STK40: variants seen among roughly 807,000 people sequenced by gnomAD.
STK40 encodes the protein serine/threonine kinase 40.
Under a neutral mutation model 47.9 loss-of-function variants are expected in STK40, and 13 were observed. That is an observed-to-expected ratio of 0.27 (90% CI 0.18 to 0.43). The LOEUF is 0.43. Among genes scored for constraint, STK40 ranks in the 20% least tolerant of loss-of-function variants. The pLI is 1.00. For missense variants in STK40, 460 were observed against 595.1 expected (o/e 0.77, Z 2.36); for synonymous variants, 225 against 243.2 (o/e 0.93, Z 0.69).
At chr1:36,351,349 A>G (rs543333316) in intron 6 of STK40, among the ~76,000 whole-genome samples, 2 of 152,236 alleles carry the variant, frequency 1.3e-5, no homozygotes, top group South Asian at 2.1e-4. Flanking sequence ...TGGTCCGCCT[A>G]CTGCTCCAGT....
intron 1 of STK40, among the ~76,000 whole-genome samples, chr1:36,377,746 A>G (rs1004454691): frequency 6.6e-6 from 1 of 152,154 alleles, no homozygotes; most frequent in African/African-American, 2.4e-5. Context: ...GGCTGCAAAC[A>G]TGCCTATAAG....
chr1:36,384,838 T>C (rs775043317), intron 1 of STK40, among the ~76,000 whole-genome samples: 2 of 152,204 alleles, frequency 1.3e-5, no homozygotes, highest in Non-Finnish European at 2.9e-5. Context: ...CACATTCTGC[T>C]CTTCCTTATC....
chr1:36,350,819 C>T (rs1646745632), intron 6 of STK40, among the ~76,000 whole-genome samples: 1 of 152,216 alleles, frequency 6.6e-6, no homozygotes, highest in African/African-American at 2.4e-5. Flanking sequence ...CCACCCTCTG[C>T]CAGGGCACGG....
chr1:36,351,061 T>C (rs1021432508), intron 6 of STK40, among the ~76,000 whole-genome samples: 5 of 152,172 alleles, frequency 3.3e-5, no homozygotes, highest in African/African-American at 7.2e-5. Flanking sequence ...CGTGTGTCAG[T>C]AGGATCGGCT....
In STK40 at chr1:36,352,700, C is replaced by T. The variant is rs115005017; in HGVS notation, c.623+1664G>A. 1.8e-3 allele frequency among the ~76,000 whole-genome samples: 273 copies of T among 152,350 alleles called. 1 individual carries two copies. The highest frequency in any genetic ancestry group is 6.4e-3 in the African/African-American group (265 of 41,582). On this transcript the variant is annotated intron_variant, in intron 6 of 10. Transcript: ENST00000373132. ...ACTTTCTCAGCCTGGCAAATCCCAACTCATCCTTCACGAATTGACTCAGGT... is the reference window on the plus strand; with the variant it reads ...ACTTTCTCAGCCTGGCAAATCCCAATTCATCCTTCACGAATTGACTCAGGT...
At chr1:36,371,152 T>A (rs941632034) in intron 1 of STK40, among the ~76,000 whole-genome samples, 2 of 151,266 alleles carry the variant, frequency 1.3e-5, no homozygotes, top group African/African-American at 4.8e-5. Context: ...GTGCTGGGAT[T>A]ACAGGCGTGA....
rs752860705 is a variant in STK40 at position 36,355,388 on chromosome 1, C to T, written c.388G>A (p.Val130Ile). The change falls in exon 5 of 11, where the codon GTT becomes ATT. Residue 130 changes from valine (V) to isoleucine (I), a missense_variant. Val to Ile is a conservative substitution (Grantham distance 29, BLOSUM62 3). Coordinates refer to ENST00000373132, the MANE Select transcript of STK40 (RefSeq NM_001282547.2). ...CAGATGCGCTTCTTCATCTTCTTAA[C>T]CATCCGGCTGGATTCTGTGTCCTCA... ...IVEDTESSRM[V>I]KKMKKRICLV... 1.9e-6 allele frequency: 3 copies of T among 1,614,188 alleles called. No individual in the cohort carries two copies. Among genetic ancestry groups the T allele is most frequent in the Admixed American group, 3.3e-5 (2 of 60,018 alleles).
intron 2 of STK40, among the ~76,000 whole-genome samples, chr1:36,360,572 G>A (rs188125057): frequency 4.2e-4 from 63 of 151,610 alleles, no homozygotes; most frequent in Non-Finnish European, 4.0e-4. Flanking sequence ...GTCTCGCACC[G>A]TTGCCTAGGC....
At chr1:36,374,446 C>T (rs920842971) in intron 1 of STK40, among the ~76,000 whole-genome samples, 9 of 152,188 alleles carry the variant, frequency 5.9e-5, no homozygotes, top group Admixed American at 2.0e-4. Flanking sequence ...TAGCCCTGAA[C>T]CAGACCGGCT....
chr1:36,342,572 G>A (rs1199819797), intron 10 of STK40: 1 of 159,150 alleles, frequency 6.3e-6, no homozygotes, highest in Non-Finnish European at 1.4e-5. Context: ...TCTGTAACAT[G>A]GGGCTAAGAA....
intron 7 of STK40, among the ~76,000 whole-genome samples, chr1:36,345,985 A>ATTTTTTTTTTTTT (rs1383008702): frequency 1.0e-4 from 1 of 9,808 alleles, no homozygotes; most frequent in Non-Finnish European, 3.6e-4. Context: ...ATATATATAT[A>ATTTTTTTTTTTTT]TATATATTTT....
rs1417508448 is a variant in STK40, at chr1:36,358,248, G to A, written c.333C>T (p.Gly111=). 6.3e-7 allele frequency: 1 copy of A among 1,589,528 alleles called. No individual in the cohort carries two copies. Among genetic ancestry groups the A allele is most frequent in the South Asian group, 1.1e-5 (1 of 90,270 alleles). Residue 111 remains glycine (G), a synonymous_variant, in exon 4 of 11, where the codon GGC becomes GGT. Coordinates refer to ENST00000373132, the MANE Select transcript of STK40 (RefSeq NM_001282547.2). ...HTQDGVVHHH[G]LFQDRTCEIV... The stretch of plus-strand genomic sequence containing the variant: ...GGGGAAGGCCGCTCACCTGGAAGAG[G>A]CCGTGGTGGTGCACCACGCCATCCT...
chr1:36,346,716 G>A (rs576744945), intron 7 of STK40, among the ~76,000 whole-genome samples: 6 of 152,346 alleles, frequency 3.9e-5, no homozygotes, highest in South Asian at 2.1e-4. Flanking sequence ...AGACTGGCAC[G>A]AGTCTGGAAG....
intron 7 of STK40, among the ~76,000 whole-genome samples, chr1:36,345,991 A>ATATATATATATATTTTTT: frequency 3.0e-4 from 8 of 26,464 alleles, no homozygotes; most frequent in African/African-American, 1.1e-3. Context: ...ATATATATAT[A>ATATATATATATATTTTTT]TTTTTTTTTT....
chr1:36,362,420 G>A (rs996314271), intron 1 of STK40: 6 of 152,200 alleles, frequency 3.9e-5, no homozygotes, highest in African/African-American at 1.4e-4. Context: ...CTTCATGGTA[G>A]GAGGGCCTCA....
chr1:36,372,222 G>T lies in STK40; in HGVS notation c.-8-10882C>A, dbSNP rs138698545. On this transcript the variant is annotated intron_variant, in intron 1 of 10. Coordinates refer to ENST00000373132, the MANE Select transcript of STK40 (RefSeq NM_001282547.2). ...ATTGAGCCCGGGCACGGTGGCTCATGCCTGTTACCCCAGCATTTTGGGAGG... is the reference window on the plus strand; with the variant it reads ...ATTGAGCCCGGGCACGGTGGCTCATTCCTGTTACCCCAGCATTTTGGGAGG... Among the ~76,000 whole-genome samples, 1,002 of 151,918 alleles carry T rather than the reference G, an allele frequency of 6.6e-3. 13 individuals carry two copies. Among genetic ancestry groups the T allele is most frequent in the African/African-American group, 0.023 (958 of 41,454 alleles).
chr1:36,342,060 C>A (rs763381875), intron 10 of STK40, 87 bp from the exon 11 acceptor site: 150 of 1,279,118 alleles, frequency 1.2e-4, no homozygotes, highest in Admixed American at 2.3e-4. Context: ...AGAGTGCTGG[C>A]AGCCTGGCTC....
intron 1 of STK40, among the ~76,000 whole-genome samples, chr1:36,364,627 G>A (rs1233281448): frequency 6.6e-6 from 1 of 151,450 alleles, no homozygotes; most frequent in Non-Finnish European, 1.5e-5. Flanking sequence ...CTGACATATA[G>A]CTTTTTCATC....
intron 4 of STK40, 100 bp from the exon 5 acceptor site, chr1:36,355,533 AG>A (rs1246449871): frequency 6.2e-6 from 8 of 1,294,298 alleles, no homozygotes; most frequent in Non-Finnish European, 6.7e-6. Context: ...CAAACCAGTG[AG>A]GGAGCCTGGA....
Sources: gnomAD v4.1 joint callset for allele counts (sites outside exome capture counted in the v4.1 genomes callset) on GRCh38, gnomAD v4.1.1 for gene constraint, MANE v1.5 for transcripts, NCBI Gene and HGNC (gene_info 2026-07-23, HGNC 2026-07-21) for gene names.